The following EXOC4 variants were observed in gnomAD, a reference collection of about 807,000 sequenced individuals.
The protein encoded by EXOC4 is exocyst complex component 4.
In EXOC4, 71 loss-of-function variants were observed where a neutral mutation model predicts 107.2. That is an observed-to-expected ratio of 0.66 (90% CI 0.55 to 0.81). The LOEUF is 0.81. Among genes scored for constraint, EXOC4 ranks in the 30% least tolerant of loss-of-function variants. The pLI, the probability that EXOC4 is intolerant of heterozygous loss-of-function variation, is 0.00. For missense variants in EXOC4, 1,108 were observed against 1,189.6 expected (o/e 0.93, Z 1.01); for synonymous variants, 456 against 441.2 (o/e 1.03, Z -0.42).
chr7:134,075,421 C>T, the EXOC4 span, among the ~76,000 whole-genome samples: 2 of 152,132 alleles, frequency 1.3e-5, no homozygotes, highest in Non-Finnish European at 2.9e-5. Context: ...TTAATGGACT[C>T]ACAGTTCCGC....
chr7:133,522,888 A>G (rs1800006207), intron 9 of EXOC4, among the ~76,000 whole-genome samples: 1 of 152,170 alleles, frequency 6.6e-6, no homozygotes, highest in Non-Finnish European at 1.5e-5. Context: ...TGACCATATA[A>G]AAACCATGAC....
At chr7:133,535,171 T>A (rs1013801230) in intron 9 of EXOC4, among the ~76,000 whole-genome samples, 1 of 152,154 alleles carries the variant, frequency 6.6e-6, no homozygotes, top group African/African-American at 2.4e-5. Flanking sequence ...GTAGTTGACA[T>A]TTGAGATGAT....
chr7:133,856,614 T>A (rs546117144), intron 11 of EXOC4, among the ~76,000 whole-genome samples: 2 of 152,336 alleles, frequency 1.3e-5, no homozygotes, highest in African/African-American at 4.8e-5. Flanking sequence ...CATTTTATAC[T>A]ATGGTACCTC....
At chr7:133,789,748 G>C (rs1182537937) in intron 10 of EXOC4, among the ~76,000 whole-genome samples, 25 of 152,182 alleles carry the variant, frequency 1.6e-4, no homozygotes, top group Admixed American at 1.6e-3. Context: ...TGCAGGGTAT[G>C]ATGGGGAAAG....
chr7:133,264,758 A>G (rs764829710), intron 1 of EXOC4, among the ~76,000 whole-genome samples: 1 of 152,206 alleles, frequency 6.6e-6, no homozygotes, highest in Non-Finnish European at 1.5e-5. Flanking sequence ...TTTGTCATAT[A>G]CAAAATGTTC....
chr7:133,495,252 A>G (rs1341850904), intron 9 of EXOC4, among the ~76,000 whole-genome samples: 3 of 151,946 alleles, frequency 2.0e-5, no homozygotes, highest in East Asian at 3.9e-4. Context: ...AACTGTCTCC[A>G]ATAAAAAAAA....
At chr7:133,889,650 C>G (rs998409699) in intron 11 of EXOC4, among the ~76,000 whole-genome samples, 1 of 115,100 alleles carries the variant, frequency 8.7e-6, no homozygotes, top group African/African-American at 3.4e-5. Context: ...TCAGTTCCCA[C>G]CTATGAGTGA....
rs1009423655 is a variant in EXOC4 at position 134,037,270 on chromosome 7, T to C, written c.2688-27021T>C. Among the ~76,000 whole-genome samples the C allele has an allele frequency of 2.0e-5, 3 of 152,174 alleles. No homozygotes were observed. In the East Asian group the frequency reaches 5.8e-4, roughly 29 times the overall value. ...TGCTCCCACGTTGCCCAGATCCGGA[T>C]CCTACAGAGCTCCATTGAAGGGGAT... On this transcript the variant is annotated intron_variant, in intron 17 of 17. Transcript: ENST00000253861.
intron 7 of EXOC4, among the ~76,000 whole-genome samples, chr7:133,431,025 C>T (rs1202492585): frequency 6.6e-6 from 1 of 152,144 alleles, no homozygotes; most frequent in African/African-American, 2.4e-5. Context: ...GAATCTAATC[C>T]AACCCGTTTG....
chr7:133,555,694 C>T (rs1001396582), intron 9 of EXOC4, among the ~76,000 whole-genome samples: 3 of 152,006 alleles, frequency 2.0e-5, no homozygotes, highest in Middle Eastern at 3.2e-3. Flanking sequence ...AACATATGCT[C>T]GATAGACAAG....
intron 10 of EXOC4, among the ~76,000 whole-genome samples, chr7:133,787,528 C>G (rs986609113): frequency 6.6e-6 from 1 of 151,852 alleles, no homozygotes; most frequent in African/African-American, 2.4e-5. Context: ...GTCACTTTGA[C>G]CTTCTATAAT....
intron 10 of EXOC4, among the ~76,000 whole-genome samples, chr7:133,741,627 T>C (rs535222639): frequency 6.6e-6 from 1 of 152,326 alleles, no homozygotes; most frequent in African/African-American, 2.4e-5. Context: ...CATTGAGTGC[T>C]CTAATTGAAC....
intron 7 of EXOC4, among the ~76,000 whole-genome samples, chr7:133,390,990 T>G (rs1796839754): frequency 6.6e-6 from 1 of 152,228 alleles, no homozygotes; most frequent in Non-Finnish European, 1.5e-5. Flanking sequence ...ATCATTTTAA[T>G]TTTTTATCCT....
chr7:133,562,860 C>T (rs1357605632), intron 9 of EXOC4, among the ~76,000 whole-genome samples: 5 of 152,152 alleles, frequency 3.3e-5, no homozygotes, highest in Admixed American at 1.3e-4. Flanking sequence ...TGAGTCATCA[C>T]ATTTTGGTAT....
At chr7:133,756,560 C>T (rs984842777) in intron 10 of EXOC4, among the ~76,000 whole-genome samples, 5 of 152,126 alleles carry the variant, frequency 3.3e-5, no homozygotes, top group African/African-American at 7.2e-5. Context: ...ACTGAGAATG[C>T]GGTGAAAGTT....
At chr7:133,647,047 G>T (rs920665537) in intron 10 of EXOC4, among the ~76,000 whole-genome samples, 3 of 152,100 alleles carry the variant, frequency 2.0e-5, no homozygotes, top group Admixed American at 2.0e-4. Flanking sequence ...TACCGATGCA[G>T]TCCTAATGAT....
In EXOC4 at chr7:134,005,049, G is replaced by A. The variant is rs1425926156; in HGVS notation, c.2486G>A (p.Ser829Asn). ...ATCAGCGCCATTGAAGAGGCCATGA[G>A]CGCCAGCCTTCAGCAGCACAAGTTC... ...KDISAIEEAM[S>N]ASLQQHKFQY... Residue 829 changes from serine to asparagine, a missense_variant, in exon 16 of 18, where the codon AGC becomes AAC. Physicochemically the swap from Ser to Asn is conservative, Grantham distance 46. Coordinates refer to ENST00000253861, the MANE Select transcript of EXOC4 (RefSeq NM_021807.4). 1 of 1,613,540 alleles carries A rather than the reference G, an allele frequency of 6.2e-7. No homozygotes were observed.
At chr7:133,413,943 A>G (rs1348042817) in intron 7 of EXOC4, among the ~76,000 whole-genome samples, 1 of 152,172 alleles carries the variant, frequency 6.6e-6, no homozygotes, top group Non-Finnish European at 1.5e-5. Flanking sequence ...CACTTGAAGC[A>G]GATATAAAAA....
intron 7 of EXOC4, among the ~76,000 whole-genome samples, chr7:133,404,200 C>T (rs960750252): frequency 3.3e-5 from 5 of 152,092 alleles, no homozygotes; most frequent in Middle Eastern, 3.2e-3. Flanking sequence ...CCCGGTTTCA[C>T]GCCATTCTTC....
Sources: gnomAD v4.1 joint callset for allele counts (sites outside exome capture counted in the v4.1 genomes callset) on GRCh38, gnomAD v4.1.1 for gene constraint, MANE v1.5 for transcripts, NCBI Gene and HGNC (gene_info 2026-07-23, HGNC 2026-07-21) for gene names.